Variants in SARS2 observed in about 807,000 individuals in gnomAD.
The protein encoded by SARS2 is serine--tRNA ligase, mitochondrial.
A neutral mutation model predicts 66.8 loss-of-function variants in SARS2; 52 were observed. The observed-to-expected ratio is 0.78, with a 90% confidence interval of 0.62 to 0.98. The LOEUF is 0.98. SARS2 is among the 50% of genes least tolerant of loss of function. The pLI, the probability that SARS2 is intolerant of heterozygous loss-of-function variation, is 0.00. For synonymous variants in SARS2, 306 were observed against 281.4 expected (o/e 1.09, Z -0.87); for missense variants, 673 against 706.3 (o/e 0.95, Z 0.53).
chr19:38,921,497 GGCCTCCCT>G, intron 4 of SARS2, 22 bp downstream of exon 4: 1 of 1,614,148 alleles, frequency 6.2e-7, no homozygotes, highest in East Asian at 2.2e-5. Flanking sequence ...GTGGGCCCCT[GGCCTCCCT>G]GCCACCCAGC....
rs1238725769 is a variant in SARS2 at position 38,921,659 on chromosome 19, C to T, written c.402G>A (p.Lys134=). 1 of 1,614,044 alleles carries T rather than the reference C, an allele frequency of 6.2e-7. No individual in the cohort carries two copies. The highest frequency in any genetic ancestry group is 2.2e-5 in the East Asian group (1 of 44,896). ...GGCCACGTGCCCGCAGACCCTGGTACTTGGGGTCCTGGGGGCAGCACAGGT... is the reference window on the plus strand; with the variant it reads ...GGCCACGTGCCCGCAGACCCTGGTATTTGGGGTCCTGGGGGCAGCACAGGT... The part of the protein sequence containing the change: ...QDSGEVQQDP[K]YQGLRARGRE... Residue 134 remains lysine (K), a synonymous_variant, in exon 4 of 16, where the codon AAG becomes AAA. Transcript: ENST00000221431.
chr19:38,915,811 C>A, intron 15 of SARS2, 30 bp downstream of exon 15: 1 of 1,613,302 alleles, frequency 6.2e-7, no homozygotes, highest in African/African-American at 1.3e-5. Context: ...CGCTGAGCTG[C>A]CTCTCTGGGT....
intron 1 of SARS2, among the ~76,000 whole-genome samples, chr19:38,929,813 G>A (rs1440671450): frequency 6.6e-6 from 1 of 152,130 alleles, no homozygotes; most frequent in Non-Finnish European, 1.5e-5. Context: ...GGGAAGACGT[G>A]GGGACCCCAC....
At chr19:38,930,397 G>T in intron 1 of SARS2, 73 bp downstream of exon 1, 1 of 1,513,760 alleles carries the variant, frequency 6.6e-7, no homozygotes, top group Non-Finnish European at 8.8e-7. Context: ...CCCCCTGCCG[G>T]AGGGCATCTT....
intron 2 of SARS2, 94 bp downstream of exon 2, chr19:38,926,111 A>T: frequency 9.3e-7 from 1 of 1,072,736 alleles, no homozygotes; most frequent in Non-Finnish European, 1.4e-6. Context: ...CCACCGTGCC[A>T]GCCTGTTCAA....
chr19:38,930,742 A>T lies in SARS2; in HGVS notation c.-6T>A, dbSNP rs889995673. ...CGCGCCATGGACGCAGCCATCTTGG[A>T]CCGGGAACAAGGCGGCACTTCGTCC... is the stretch of plus-strand genomic sequence containing the variant. On this transcript the variant is annotated 5_prime_UTR_variant, in exon 1 of 16. Coordinates refer to ENST00000221431, the MANE Select transcript of SARS2 (RefSeq NM_017827.4). 27 of 1,612,608 alleles carry T rather than the reference A, an allele frequency of 1.7e-5. No individual in the cohort carries two copies. The highest frequency in any genetic ancestry group is 1.9e-5 in the Non-Finnish European group (23 of 1,179,998).
chr19:38,915,462 C>T lies in SARS2; in HGVS notation c.*144G>A, dbSNP rs766336387. ...GCAGCAAGGACAGAGGAGAGGTGGACCCCGTGGTCCAGGGGCCCGGGCGTG... is the reference window on the plus strand; with the variant it reads ...GCAGCAAGGACAGAGGAGAGGTGGATCCCGTGGTCCAGGGGCCCGGGCGTG... On this transcript the variant is annotated 3_prime_UTR_variant, in exon 16 of 16. Transcript: ENST00000221431. The T allele has an allele frequency of 2.3e-5, 20 of 869,872 alleles. No homozygotes were observed. In the African/African-American group the frequency reaches 3.2e-4, roughly 14 times the overall value. 53.9% of individuals were successfully genotyped at this position (869,872 alleles called of 1,614,324 possible).
chr19:38,918,738 G>T, intron 8 of SARS2, 28 bp downstream of exon 8: 1 of 1,554,856 alleles, frequency 6.4e-7, no homozygotes, highest in Non-Finnish European at 8.7e-7. Context: ...ACCCAGGTGG[G>T]CGAGGGAAGC....
rs774628157 is a variant in SARS2, at chr19:38,921,481, C to T, written c.535-35G>A. The T allele has an allele frequency of 2.5e-6, 4 of 1,614,134 alleles. No homozygotes were observed. In the South Asian group the frequency reaches 3.3e-5, roughly 13 times the overall value. On this transcript the variant is annotated intron_variant, in intron 4 of 15. Transcript: ENST00000221431. ...GACAGCAGGAGTCACGGAAAGGTGG[C>T]ACTAGGTGGGCCCCTGGCCTCCCTG... is the stretch of plus-strand genomic sequence containing the variant.
In SARS2 at chr19:38,915,992, G is replaced by C. The variant is rs112008933; in HGVS notation, c.1347+45C>G. 6.8e-5 allele frequency: 109 copies of C among 1,612,450 alleles called. 2 individuals carry two copies. In the African/African-American group the frequency reaches 1.2e-3, roughly 18 times the overall value. Reference sequence around the variant, plus strand: ...AGGTGGGTGGGTCTAGGGCGGCAGAGGCTGCGGGCGAGGGCACGCGGGCAG... The same window carrying C: ...AGGTGGGTGGGTCTAGGGCGGCAGACGCTGCGGGCGAGGGCACGCGGGCAG... On this transcript the variant is annotated intron_variant, in intron 14 of 15. Transcript: ENST00000221431.
At chr19:38,921,044 CACAGATACAGACACACACAT>C (rs1226847483) in intron 5 of SARS2, among the ~76,000 whole-genome samples, 7 of 131,408 alleles carry the variant, frequency 5.3e-5, no homozygotes, top group Non-Finnish European at 1.0e-4. Flanking sequence ...CACACAGATA[CACAGATACAGACACACACAT>C]ACAGATACAG....
At chr19:38,926,148 C>T (rs1307432438) in intron 2 of SARS2, 57 bp downstream of exon 2, 6 of 1,396,844 alleles carry the variant, frequency 4.3e-6, no homozygotes, top group Non-Finnish European at 6.0e-6. Context: ...TTCCTGTTAC[C>T]TGTGTCTAGA....
At chr19:38,921,888 C>G in intron 3 of SARS2, 1 of 1,398,602 alleles carries the variant, frequency 7.2e-7, no homozygotes, top group Non-Finnish European at 9.9e-7. Context: ...TTGCCTTGGC[C>G]ACAATGACTG....
rs774853873 is a variant in SARS2, at chr19:38,918,407, C to G, written c.916+15G>C. On this transcript the variant is annotated intron_variant, in intron 9 of 15. Transcript: ENST00000221431. ...ATCACTCCTGCTCCTCCCCACCACCCACACAGGTCCTCACCTGCAAGCCCC... is the reference window on the plus strand; with the variant it reads ...ATCACTCCTGCTCCTCCCCACCACCGACACAGGTCCTCACCTGCAAGCCCC... The G allele has an allele frequency of 6.3e-7, 1 of 1,585,760 alleles. No homozygotes were observed. Among genetic ancestry groups the G allele is most frequent in the Non-Finnish European group, 8.5e-7 (1 of 1,171,458 alleles).
At chr19:38,922,110 G>C in intron 3 of SARS2, 128 bp downstream of exon 3, 2 of 1,597,926 alleles carry the variant, frequency 1.3e-6, no homozygotes, top group Non-Finnish European at 8.5e-7. Context: ...TGCATCAATA[G>C]AGCCTATTTT....
At chr19:38,923,216 T>C (rs1568426902) in intron 2 of SARS2, among the ~76,000 whole-genome samples, 2 of 123,554 alleles carry the variant, frequency 1.6e-5, no homozygotes, top group East Asian at 4.8e-4. Flanking sequence ...GATCTCAGGT[T>C]TTCTTTTTTT....
Position 38,917,895 on chromosome 19 carries a change from C to G in SARS2, c.1050+26G>C, listed in dbSNP as rs758649935. 126 of 1,613,032 alleles carry G rather than the reference C, an allele frequency of 7.8e-5. 1 individual carries two copies. The Admixed American group carries it at 2.0e-3, about 26-fold the overall frequency. ...CTCTTGGGGTGGCCCCCCACCCCAG[C>G]CCCGTTTAGTCCCAGCGACACCAGC... On this transcript the variant is annotated intron_variant, in intron 11 of 15. Transcript: ENST00000221431.
chr19:38,915,757 C>T lies in SARS2; in HGVS notation c.1414-8G>A, dbSNP rs1333824821. On this transcript the variant is annotated splice_polypyrimidine_tract_variant and splice_region_variant and intron_variant, in intron 15 of 15. Transcript: ENST00000221431. Reference sequence around the variant, plus strand: ...CACGAGCACTGAGCCGTCCTGGGGACAGAGCAGACCTCAGGACACTGCAGA... The same window carrying T: ...CACGAGCACTGAGCCGTCCTGGGGATAGAGCAGACCTCAGGACACTGCAGA... The T allele has an allele frequency of 2.5e-6, 4 of 1,613,278 alleles. No individual in the cohort carries two copies. The highest frequency in any genetic ancestry group is 3.3e-5 in the Admixed American group (2 of 60,024).
chr19:38,922,080 T>G (rs775687051), intron 3 of SARS2, 158 bp downstream of exon 3: 1 of 1,590,388 alleles, frequency 6.3e-7, no homozygotes, highest in Non-Finnish European at 8.6e-7. Context: ...CAGCCGCACC[T>G]GAAGCCAGTT....
Sources: allele counts gnomAD v4.1 joint callset (sites outside exome capture counted in the v4.1 genomes callset), GRCh38; gene constraint gnomAD v4.1.1; transcripts MANE v1.5; gene names NCBI Gene and HGNC (gene_info 2026-07-23, HGNC 2026-07-21).